TIAM2: variants seen among roughly 807,000 people sequenced by gnomAD.
TIAM2 encodes the protein TIAM Rac1 associated GEF 2.
A neutral mutation model predicts 152.9 loss-of-function variants in TIAM2; 80 were observed. That is an observed-to-expected ratio of 0.52 (90% CI 0.44 to 0.63). The LOEUF is 0.63. Among genes scored for constraint, TIAM2 ranks in the 30% least tolerant of loss-of-function variants. The pLI is 0.00. For synonymous variants in TIAM2, 804 were observed against 838.0 expected (o/e 0.96, Z 0.70); for missense variants, 1,965 against 2,120.1 (o/e 0.93, Z 1.44).
intron 2 of TIAM2, among the ~76,000 whole-genome samples, chr6:155,116,134 C>T (rs1779005562): frequency 6.6e-6 from 1 of 152,178 alleles, no homozygotes; most frequent in African/African-American, 2.4e-5. Context: ...GCCCTTCCCC[C>T]TCCATCCGTG....
At chr6:155,166,014 A>T (rs943508951) in intron 9 of TIAM2, among the ~76,000 whole-genome samples, 1 of 152,196 alleles carries the variant, frequency 6.6e-6, no homozygotes, top group African/African-American at 2.4e-5. Context: ...CATAGATTTT[A>T]TATTAAAATA....
intron 9 of TIAM2, among the ~76,000 whole-genome samples, chr6:155,170,822 A>G (rs1269416005): frequency 6.6e-6 from 1 of 152,212 alleles, no homozygotes; most frequent in Non-Finnish European, 1.5e-5. Flanking sequence ...TTAGCTAAGC[A>G]TTACTTGTGA....
At chr6:155,178,415 G>T (rs1780811716) in intron 10 of TIAM2, among the ~76,000 whole-genome samples, 1 of 152,080 alleles carries the variant, frequency 6.6e-6, no homozygotes, top group African/African-American at 2.4e-5. Context: ...TAAAGAGATG[G>T]CATTTGCTGA....
chr6:155,121,222 G>A (rs1019785462), intron 2 of TIAM2, among the ~76,000 whole-genome samples: 1 of 152,054 alleles, frequency 6.6e-6, no homozygotes, highest in African/African-American at 2.4e-5. Context: ...AATACTTTGT[G>A]TTGCATTATT....
intron 1 of TIAM2, among the ~76,000 whole-genome samples, chr6:155,006,700 A>C (rs1007494252): frequency 6.6e-6 from 1 of 150,682 alleles, no homozygotes; most frequent in African/African-American, 2.4e-5. Context: ...AAAAAAAAGA[A>C]AAAAAAAAGA....
intron 1 of TIAM2, among the ~76,000 whole-genome samples, chr6:155,084,636 T>C (rs1389395739): frequency 6.6e-6 from 1 of 152,170 alleles, no homozygotes; most frequent in Non-Finnish European, 1.5e-5. Flanking sequence ...AACGGTCTTT[T>C]TGTAACTTGG....
chr6:155,055,943 CAGAA>C (rs1463358349), intron 1 of TIAM2, among the ~76,000 whole-genome samples: 1 of 146,738 alleles, frequency 6.8e-6, no homozygotes, highest in Non-Finnish European at 1.5e-5. Context: ...GCCTGGGTGA[CAGAA>C]AGAGAAACCC....
chr6:155,121,736 C>T (rs1320358295), intron 2 of TIAM2, among the ~76,000 whole-genome samples: 1 of 152,164 alleles, frequency 6.6e-6, no homozygotes, highest in Admixed American at 6.6e-5. Context: ...CTCTCTGGAG[C>T]GACGTGAAGC....
intron 1 of TIAM2, among the ~76,000 whole-genome samples, chr6:155,017,506 C>CTTTTTTTTTTT (rs35552958): frequency 7.7e-6 from 1 of 129,054 alleles, no homozygotes; most frequent in Non-Finnish European, 1.6e-5. Context: ...TCCATTTTGT[C>CTTTTTTTTTTT]TTTTTTTTTT....
At chr6:155,164,337 G>A in intron 7 of TIAM2, 78 bp from the exon 8 acceptor site, 1 of 1,382,838 alleles carries the variant, frequency 7.2e-7, no homozygotes, top group Non-Finnish European at 9.8e-7. Flanking sequence ...CTTCAAGTTT[G>A]TGAAAGGGAT....
chr6:154,998,586 T>G (rs1439949594), intron 1 of TIAM2, among the ~76,000 whole-genome samples: 4 of 152,208 alleles, frequency 2.6e-5, no homozygotes, highest in Non-Finnish European at 5.9e-5. Context: ...AATCAATATG[T>G]GAATTATCAT....
intron 1 of TIAM2, chr6:155,014,046 A>G (rs1778533776): frequency 6.6e-6 from 1 of 152,100 alleles, no homozygotes; most frequent in Admixed American, 6.6e-5. Context: ...GAGATCTTCC[A>G]TAATTTAAAG....
intron 14 of TIAM2, among the ~76,000 whole-genome samples, chr6:155,184,506 G>A (rs1165732085): frequency 1.3e-5 from 2 of 152,110 alleles, no homozygotes; most frequent in African/African-American, 4.8e-5. Flanking sequence ...CAGTAGTTTC[G>A]CTTTATACCT....
rs1234733263 is a variant in TIAM2, at chr6:155,062,090, C to G, written c.-208-28199C>G. Among the ~76,000 whole-genome samples, 28 of 147,482 alleles carry G rather than the reference C, an allele frequency of 1.9e-4. 1 individual carries two copies. The Middle Eastern group carries it at 0.017, about 91-fold the overall frequency. Reference sequence around the variant, plus strand: ...CGCCACCGCCCCTGCATCTCGCCCCCCCACCGCCCCCGCGCACCACCCCCC... The same window carrying G: ...CGCCACCGCCCCTGCATCTCGCCCCGCCACCGCCCCCGCGCACCACCCCCC... On this transcript the variant is annotated intron_variant, in intron 1 of 26. Coordinates refer to ENST00000682666, the MANE Select transcript of TIAM2 (RefSeq NM_012454.4).
intron 23 of TIAM2, 45 bp downstream of exon 23, chr6:155,252,048 G>GTATC: frequency 6.8e-7 from 1 of 1,473,790 alleles, no homozygotes; most frequent in East Asian, 2.3e-5. Context: ...TTTCATAGCT[G>GTATC]TATCTTCCTA....
chr6:155,034,274 A>G (rs1776881038), intron 1 of TIAM2, among the ~76,000 whole-genome samples: 1 of 152,020 alleles, frequency 6.6e-6, no homozygotes, highest in Non-Finnish European at 1.5e-5. Context: ...TGTTTGAGAT[A>G]GAGTCTTGCT....
intron 14 of TIAM2, among the ~76,000 whole-genome samples, chr6:155,204,016 A>C (rs1302519024): frequency 6.6e-6 from 1 of 152,118 alleles, no homozygotes; most frequent in Non-Finnish European, 1.5e-5. Flanking sequence ...TGGTCATCAT[A>C]ATGATTCCAG....
intron 2 of TIAM2, among the ~76,000 whole-genome samples, chr6:155,114,056 T>C (rs1336863010): frequency 1.1e-4 from 11 of 100,518 alleles, no homozygotes; most frequent in African/African-American, 1.6e-4. Context: ...TTTTCTTTTT[T>C]TTTTTTTTTT....
chr6:155,118,295 A>G (rs1779061757), intron 2 of TIAM2, among the ~76,000 whole-genome samples: 1 of 151,856 alleles, frequency 6.6e-6, no homozygotes, highest in African/African-American at 2.4e-5. Flanking sequence ...TTCTCCATGT[A>G]TTCTCTTGTG....
Sources: allele counts gnomAD v4.1 joint callset (sites outside exome capture counted in the v4.1 genomes callset), GRCh38; gene constraint gnomAD v4.1.1; transcripts MANE v1.5; gene names NCBI Gene and HGNC (gene_info 2026-07-23, HGNC 2026-07-21).